Variants in EVC2 observed in about 807,000 individuals in gnomAD.
EVC2 encodes limbin.
In EVC2, 148 loss-of-function variants were observed where a neutral mutation model predicts 149.3. That is an observed-to-expected ratio of 0.99 (90% confidence interval 0.87 to 1.14). The LOEUF (loss-of-function observed/expected upper bound fraction) is 1.14. Among genes scored for constraint, EVC2 ranks in the 50% most tolerant of loss-of-function variants. The pLI, the probability that EVC2 is intolerant of heterozygous loss-of-function variation, is 0.00. For synonymous variants in EVC2, 776 were observed against 649.9 expected (o/e 1.19, Z -2.95); for missense variants, 1,854 against 1,627.3 (o/e 1.14, Z -2.40).
At chr4:5,704,363 C>G (rs181762003) in intron 1 of EVC2, among the ~76,000 whole-genome samples, 2,375 of 152,150 alleles carry the variant, frequency 0.016, 60 homozygotes, top group African/African-American at 0.054. Flanking sequence ...GCCAAGGCCT[C>G]TGGGCCCAGC....
chr4:5,586,273 G>C (rs1340022471), intron 16 of EVC2, among the ~76,000 whole-genome samples: 2 of 151,996 alleles, frequency 1.3e-5, no homozygotes, highest in Non-Finnish European at 2.9e-5. Context: ...TGCTTTATTA[G>C]CTATAGCTCT....
At chr4:5,537,923 A>T (rs541560595), downstream of EVC2, among the ~76,000 whole-genome samples, 49 of 152,306 alleles carry the variant, frequency 3.2e-4, 1 homozygote, top group African/African-American at 1.2e-3. Flanking sequence ...CAAATAAAGG[A>T]AACAACAAAG....
intron 6 of EVC2, among the ~76,000 whole-genome samples, chr4:5,682,775 C>T (rs960544937): frequency 2.0e-5 from 3 of 151,230 alleles, no homozygotes; most frequent in African/African-American, 7.3e-5. Flanking sequence ...AGGAGAATCG[C>T]TTGAACCTGG....
In EVC2 at chr4:5,563,112, T is replaced by C. The variant is rs749154271; in HGVS notation, c.3663A>G (p.Ile1221Met). 14 of 1,612,906 alleles carry C rather than the reference T, an allele frequency of 8.7e-6. No individual in the cohort carries two copies. Among genetic ancestry groups the C allele is most frequent in the Non-Finnish European group, 1.2e-5 (14 of 1,179,620 alleles). The change falls in exon 22 of 22, where the codon ATA (isoleucine) becomes ATG (methionine). Residue 1221 changes from isoleucine to methionine, a missense_variant. Physicochemically the swap from Ile to Met is conservative, Grantham distance 10. Coordinates refer to ENST00000344408, the MANE Select transcript of EVC2 (RefSeq NM_147127.5). Reference sequence around the variant, plus strand: ...TGAGAGGGAGACATGTCTTCTTTAATATGCTAAAGAAATAGCAAAAGATCA... The same window carrying C: ...TGAGAGGGAGACATGTCTTCTTTAACATGCTAAAGAAATAGCAAAAGATCA... ...MLWARKRKQS[I>M]LKKTCLPLRE...
chr4:5,663,339 T>G (rs1048242207), intron 8 of EVC2, 93 bp from the exon 9 acceptor site: 16 of 1,562,852 alleles, frequency 1.0e-5, no homozygotes, highest in Non-Finnish European at 1.4e-5. Flanking sequence ...GGGTCTGCAG[T>G]CTGAGCACCC....
chr4:5,555,167 T>A (rs567484765), intron 21 of EVC2, among the ~76,000 whole-genome samples: 1 of 151,832 alleles, frequency 6.6e-6, no homozygotes, highest in South Asian at 2.1e-4. Flanking sequence ...ATAATTGATA[T>A]GTTAAGAGAG....
intron 7 of EVC2, among the ~76,000 whole-genome samples, chr4:5,675,145 A>G (rs1719907992): frequency 6.6e-6 from 1 of 152,210 alleles, no homozygotes; most frequent in East Asian, 1.9e-4. Context: ...TGCTCTTTAC[A>G]TATTAAAAAC....
intron 16 of EVC2, among the ~76,000 whole-genome samples, chr4:5,588,025 C>T (rs935881113): frequency 4.6e-5 from 7 of 152,132 alleles, no homozygotes; most frequent in African/African-American, 1.7e-4. Context: ...TTCTAGATTT[C>T]TATCTGTTAT....
intron 7 of EVC2, among the ~76,000 whole-genome samples, chr4:5,675,524 A>T (rs1719928172): frequency 6.6e-6 from 1 of 152,192 alleles, no homozygotes; most frequent in African/African-American, 2.4e-5. Context: ...TAATATTTTT[A>T]ATATCTGCTA....
intron 16 of EVC2, among the ~76,000 whole-genome samples, chr4:5,588,490 CTTT>C (rs1483866518): frequency 6.6e-6 from 1 of 152,136 alleles, no homozygotes; most frequent in Non-Finnish European, 1.5e-5. Flanking sequence ...TTTCATCCTT[CTTT>C]TTCTCTCTCC....
In EVC2 at chr4:5,657,837, A is replaced by C. The variant is rs756621117; in HGVS notation, c.1145+5270T>G. On this transcript the variant is annotated intron_variant, in intron 9 of 21. Transcript: ENST00000344408. This position sits in a 1 kb window ranked among gnomAD's most constrained non-coding sequence, Gnocchi z 4.7. ...AATGGAGGCAGTGCTGCTGTAGGGA[A>C]GGCCCCTCACTGGCTCTGATGACTC... Among the ~76,000 whole-genome samples, 3 of 152,056 alleles carry C rather than the reference A, an allele frequency of 2.0e-5. No homozygotes were observed. Among genetic ancestry groups the C allele is most frequent in the Non-Finnish European group, 4.4e-5 (3 of 68,028 alleles).
intron 19 of EVC2, 34 bp downstream of exon 19, chr4:5,574,651 G>C: frequency 6.3e-7 from 1 of 1,595,530 alleles, no homozygotes; most frequent in South Asian, 1.1e-5. Context: ...GTGCTGGCAA[G>C]GGGTGGCCTC....
At chr4:5,684,649 G>A (rs1720571170) in intron 6 of EVC2, among the ~76,000 whole-genome samples, 1 of 152,202 alleles carries the variant, frequency 6.6e-6, no homozygotes, top group South Asian at 2.1e-4. Context: ...CACCACAGGG[G>A]CAGTGAGAGA....
At chr4:5,543,070 G>A (rs1349404575) in exon 22 of EVC2, 27 of 1,148,622 alleles carry the variant, frequency 2.4e-5, no homozygotes, top group Middle Eastern at 2.3e-4. Context: ...AGGCTCCAAC[G>A]ATTGCACTGC....
chr4:5,645,335 T>C (rs1165903848), intron 9 of EVC2, among the ~76,000 whole-genome samples: 1 of 151,950 alleles, frequency 6.6e-6, no homozygotes, highest in Non-Finnish European at 1.5e-5. Flanking sequence ...TGGGGGTTTG[T>C]TGTGCATATT....
intron 16 of EVC2, among the ~76,000 whole-genome samples, chr4:5,608,528 G>A (rs932064217): frequency 1.3e-5 from 2 of 152,070 alleles, no homozygotes; most frequent in Non-Finnish European, 2.9e-5. Context: ...TTAGCATCTT[G>A]TTATTTTATT....
At chr4:5,575,849 AT>A (rs1024230165) in intron 18 of EVC2, among the ~76,000 whole-genome samples, 1 of 152,222 alleles carries the variant, frequency 6.6e-6, no homozygotes, top group African/African-American at 2.4e-5. Flanking sequence ...TGAAATTGCA[AT>A]AAGGCCTGTA....
chr4:5,695,615 T>C (rs929802419), intron 2 of EVC2, among the ~76,000 whole-genome samples: 32 of 152,222 alleles, frequency 2.1e-4, no homozygotes, highest in Admixed American at 9.8e-4. Context: ...ACAGGGCTGT[T>C]GTCTGAGCAG....
chr4:5,608,693 C>T (rs916564794), intron 16 of EVC2, among the ~76,000 whole-genome samples: 1 of 151,948 alleles, frequency 6.6e-6, no homozygotes, highest in African/African-American at 2.4e-5. Context: ...ACCACCACAC[C>T]CAGCTAATTT....
Sources: gnomAD v4.1 joint callset for allele counts (sites outside exome capture counted in the v4.1 genomes callset) on GRCh38, gnomAD v4.1.1 for gene constraint, Gnocchi (gnomAD v3.1) non-coding constraint, MANE v1.5 for transcripts, NCBI Gene and HGNC (gene_info 2026-07-23, HGNC 2026-07-21) for gene names.